WDR12: variants seen among roughly 807,000 people sequenced by gnomAD.
The protein encoded by WDR12 is WD repeat domain 12, also known as ribosome biogenesis protein WDR12.
In WDR12, 42 loss-of-function variants were observed where a neutral mutation model predicts 64.3. The ratio of observed to expected loss-of-function variants is 0.65; its 90% CI spans 0.51 to 0.84. The LOEUF is 0.84. Among genes scored for constraint, WDR12 ranks in the 40% least tolerant of loss-of-function variants. The pLI is 0.00. For missense variants in WDR12, 469 were observed against 494.6 expected, an observed-to-expected ratio of 0.95 and a Z score of 0.49; for synonymous variants, 158 against 173.3, an observed-to-expected ratio of 0.91 and a Z score of 0.70.
chr2:202,906,855 A>C (rs1688466815), intron 2 of WDR12, among the ~76,000 whole-genome samples: 1 of 152,240 alleles, frequency 6.6e-6, no homozygotes, highest in African/African-American at 2.4e-5. Flanking sequence ...TTATTATAGA[A>C]AATTTCATAC....
intron 7 of WDR12, among the ~76,000 whole-genome samples, chr2:202,893,985 T>C (rs1357028205): frequency 2.0e-5 from 3 of 152,166 alleles, no homozygotes; most frequent in Admixed American, 6.5e-5. Flanking sequence ...GGAAAGTATT[T>C]TTATTTACTT....
At chr2:202,909,111 C>T (rs1299991859) in intron 1 of WDR12, among the ~76,000 whole-genome samples, 1 of 152,200 alleles carries the variant, frequency 6.6e-6, no homozygotes, top group Non-Finnish European at 1.5e-5. Context: ...GGTGCAGTTG[C>T]TTTGGAAAAC....
chr2:202,899,783 A>G (rs1323750630), intron 3 of WDR12, 146 bp from the exon 4 acceptor site: 5 of 652,968 alleles, frequency 7.7e-6, no homozygotes, highest in Admixed American at 6.1e-5. Flanking sequence ...CCATTCAAAA[A>G]GTCAAGAACT....
At chr2:202,907,306 ATAACT>A (rs1427595439) in intron 2 of WDR12, among the ~76,000 whole-genome samples, 3 of 152,178 alleles carry the variant, frequency 2.0e-5, no homozygotes, top group Admixed American at 6.5e-5. Flanking sequence ...TAATGGGCAA[ATAACT>A]TATATTAGTA....
At chr2:202,899,357 T>C (rs987305806) in intron 4 of WDR12, among the ~76,000 whole-genome samples, 174 bp downstream of exon 4, 4 of 152,124 alleles carry the variant, frequency 2.6e-5, no homozygotes, top group Non-Finnish European at 5.9e-5. Context: ...TGTTTCTTCT[T>C]GAAGACACTG....
In WDR12 at chr2:202,896,154, C is replaced by T; in HGVS notation, c.520G>A (p.Val174Ile). 5 of 1,614,126 alleles carry T rather than the reference C, an allele frequency of 3.1e-6. No individual in the cohort carries two copies. The highest frequency in any genetic ancestry group is 4.2e-6 in the Non-Finnish European group (5 of 1,180,002). ...DQTILLWEWN[V>I]ERNKVKALHC... ...AGGGCTTTCACTTTGTTTCTCTCTA[C>T]ATTCCACTCCCATAAGAGAATAGTC... Residue 174 changes from valine to isoleucine, a missense_variant, in exon 6 of 13, where the codon GTA (valine) becomes ATA (isoleucine). Val to Ile is a conservative substitution (Grantham distance 29). Transcript: ENST00000261015.
intron 3 of WDR12, 83 bp from the exon 4 acceptor site, chr2:202,899,720 A>C: frequency 8.2e-7 from 1 of 1,217,520 alleles, no homozygotes; most frequent in Non-Finnish European, 1.2e-6. Flanking sequence ...AATTTAATAT[A>C]TCTCCTTTAT....
At chr2:202,882,874 AG>A in intron 11 of WDR12, 91 bp from the exon 12 acceptor site, 1 of 1,314,116 alleles carries the variant, frequency 7.6e-7, no homozygotes, top group Non-Finnish European at 1.1e-6. Context: ...AAAACTTTAC[AG>A]GGTTTACCAA....
chr2:202,877,746 A>G lies in WDR12; in HGVS notation c.*3114T>C, dbSNP rs559093618. 7.9e-5 allele frequency: 12 copies of G among 152,348 alleles called. No homozygotes were observed. The highest frequency in any genetic ancestry group is 2.9e-4 in the African/African-American group (12 of 41,572). The allele number at this position is 152,348 out of a possible 1,614,324, so 9.4% of individuals were successfully genotyped here. A position where few individuals can be genotyped will look rare whatever the true frequency, so the allele number is the denominator to read the frequency against. On this transcript the variant is annotated 3_prime_UTR_variant, in exon 13 of 13. Transcript: ENST00000261015. ...AACTGCACTACTATGGCAAGACAGCATAACTAGTACCGGTCAGCAGGTTCT... is the reference window on the plus strand; with the variant it reads ...AACTGCACTACTATGGCAAGACAGCGTAACTAGTACCGGTCAGCAGGTTCT...
chr2:202,886,282 C>A (rs1304198768), intron 8 of WDR12, among the ~76,000 whole-genome samples: 2 of 150,330 alleles, frequency 1.3e-5, no homozygotes, highest in Admixed American at 6.6e-5. Context: ...CATGCTGAAA[C>A]CCTGTCTCTA....
At chr2:202,881,406 T>C (rs1037223305) in intron 12 of WDR12, among the ~76,000 whole-genome samples, 20 of 152,336 alleles carry the variant, frequency 1.3e-4, no homozygotes, top group African/African-American at 4.8e-4. Context: ...TGCAGACTTA[T>C]GCAAGATTTT....
intron 6 of WDR12, among the ~76,000 whole-genome samples, chr2:202,895,441 T>TA (rs1409809633): frequency 6.6e-6 from 1 of 151,728 alleles, no homozygotes; most frequent in East Asian, 1.9e-4. Context: ...GAGTAGCTGA[T>TA]ATAGACTGGA....
At chr2:202,904,685 G>A (rs997136979) in intron 2 of WDR12, among the ~76,000 whole-genome samples, 7 of 152,138 alleles carry the variant, frequency 4.6e-5, no homozygotes, top group African/African-American at 1.7e-4. Flanking sequence ...AGGGATTAAA[G>A]ACTTAAATAT....
At chr2:202,902,371 GA>G (rs1490875705) in intron 2 of WDR12, among the ~76,000 whole-genome samples, 1 of 152,178 alleles carries the variant, frequency 6.6e-6, no homozygotes, top group Non-Finnish European at 1.5e-5. Context: ...TGATTGGATT[GA>G]AGGATGCAAA....
In WDR12 at chr2:202,880,873, T is replaced by G. The variant is rs1687935878; in HGVS notation, c.1259A>C (p.His420Pro). ...YSYRYSPTTS[H>P]VGA is the part of the protein sequence containing the mutation. ...TATTGTTCACTTTCATGCCCCAACA[T>G]GGGAAGTGGTAGGTGAATATCTGTA... The change falls in exon 13 of 13, where the codon CAT becomes CCT. Residue 420 changes from histidine (H) to proline (P), a missense_variant. Coordinates refer to ENST00000261015, the MANE Select transcript of WDR12 (RefSeq NM_018256.4). 1 of 1,610,016 alleles carries G rather than the reference T, an allele frequency of 6.2e-7. No individual in the cohort carries two copies. The highest frequency in any genetic ancestry group is 1.3e-5 in the African/African-American group (1 of 74,932).
intron 1 of WDR12, 55 bp from the exon 2 acceptor site, chr2:202,908,014 T>G: frequency 6.7e-7 from 1 of 1,492,938 alleles, no homozygotes; most frequent in Non-Finnish European, 9.3e-7. Flanking sequence ...TGAACAAACA[T>G]GCTTTTACGA....
chr2:202,899,034 T>TTTTTG (rs1688301535), intron 4 of WDR12, among the ~76,000 whole-genome samples: 1 of 26,588 alleles, frequency 3.8e-5, no homozygotes, highest in African/African-American at 7.7e-5. Flanking sequence ...TACCTGTGGT[T>TTTTTG]TTTTTTTTTT....
chr2:202,908,061 C>T (rs1322118479), intron 1 of WDR12, 102 bp from the exon 2 acceptor site: 2 of 1,048,816 alleles, frequency 1.9e-6, no homozygotes, highest in East Asian at 5.2e-5. Flanking sequence ...AAATGCCAGA[C>T]ATCCAGACAT....
Position 202,884,225 on chromosome 2 carries a change from T to C in WDR12, c.961A>G (p.Ile321Val). Residue 321 changes from isoleucine to valine, a missense_variant, in exon 10 of 13, where the codon ATC (isoleucine) becomes GTC (valine). Transcript: ENST00000261015. ...RLASGSTDRH[I>V]RLWDPRTKDG... ...TTAGTTCGGGGATCCCACAGTCTGA[T>C]ATGCCTATCTGTGCTTCCAGATGCT... The C allele has an allele frequency of 6.2e-7, 1 of 1,613,356 alleles. No homozygotes were observed. The highest frequency in any genetic ancestry group is 8.5e-7 in the Non-Finnish European group (1 of 1,180,040).
Sources: gnomAD v4.1 joint callset for allele counts (sites outside exome capture counted in the v4.1 genomes callset) on GRCh38, gnomAD v4.1.1 for gene constraint, MANE v1.5 for transcripts, NCBI Gene and HGNC (gene_info 2026-07-23, HGNC 2026-07-21) for gene names.